UNC5C: variants seen among roughly 807,000 people sequenced by gnomAD.
UNC5C encodes unc-5 netrin receptor C.
Under a neutral mutation model 99.8 loss-of-function variants are expected in UNC5C, and 47 were observed. The ratio of observed to expected loss-of-function variants is 0.47; its 90% CI spans 0.37 to 0.60. The LOEUF (loss-of-function observed/expected upper bound fraction) is 0.60. Among genes scored for constraint, UNC5C ranks in the 20% least tolerant of loss-of-function variants. The pLI, the probability that UNC5C is intolerant of heterozygous loss-of-function variation, is 0.00. For missense variants in UNC5C, 1,062 were observed against 1,165.9 expected, an observed-to-expected ratio of 0.91 and a Z score of 1.30; for synonymous variants, 487 against 452.2, an observed-to-expected ratio of 1.08 and a Z score of -0.98.
At chr4:95,395,015 G>A (rs1745471393) in intron 1 of UNC5C, among the ~76,000 whole-genome samples, 1 of 152,134 alleles carries the variant, frequency 6.6e-6, no homozygotes, top group Non-Finnish European at 1.5e-5. Flanking sequence ...CAAAGATTCA[G>A]AGTGAGCTGC....
At chr4:95,189,392 C>A (rs1014031985) in intron 12 of UNC5C, among the ~76,000 whole-genome samples, 5 of 152,168 alleles carry the variant, frequency 3.3e-5, no homozygotes, top group African/African-American at 7.2e-5. Flanking sequence ...CTCAGGCAGT[C>A]CTCCCACCTC....
At chr4:95,387,438 C>T (rs1240524690) in intron 1 of UNC5C, among the ~76,000 whole-genome samples, 1 of 152,176 alleles carries the variant, frequency 6.6e-6, no homozygotes, top group Non-Finnish European at 1.5e-5. Context: ...CCTCAGCTGA[C>T]TCCTTTTTGT....
intron 1 of UNC5C, among the ~76,000 whole-genome samples, chr4:95,399,787 T>C (rs1401347978): frequency 6.6e-6 from 1 of 152,232 alleles, no homozygotes; most frequent in African/African-American, 2.4e-5. Context: ...GAGTGGATTT[T>C]CCTCATTAGT....
At chr4:95,248,759 A>G (rs1739590561) in intron 5 of UNC5C, 1 of 332,336 alleles carries the variant, frequency 3.0e-6, no homozygotes. Context: ...CCATAAGGTT[A>G]TAACAAAGCT....
At chr4:95,371,422 G>T (rs1315332540) in intron 1 of UNC5C, among the ~76,000 whole-genome samples, 3 of 33,652 alleles carry the variant, frequency 8.9e-5, no homozygotes, top group East Asian at 3.1e-3. Flanking sequence ...AGTATATTTT[G>T]TGGGGGGGGG....
chr4:95,404,449 C>T (rs899815074), intron 1 of UNC5C, among the ~76,000 whole-genome samples: 1 of 152,068 alleles, frequency 6.6e-6, no homozygotes, highest in African/African-American at 2.4e-5. Context: ...ATGAAGAGAA[C>T]CAAAGTGGAG....
At chr4:95,256,295 C>G (rs1187837201) in intron 4 of UNC5C, among the ~76,000 whole-genome samples, 1 of 152,132 alleles carries the variant, frequency 6.6e-6, no homozygotes, top group African/African-American at 2.4e-5. Context: ...TCATGCAACT[C>G]CACTTGGTTG....
chr4:95,430,250 A>G (rs1283375296), intron 1 of UNC5C, among the ~76,000 whole-genome samples: 1 of 152,042 alleles, frequency 6.6e-6, no homozygotes, highest in Non-Finnish European at 1.5e-5. Context: ...GAGGCTATGC[A>G]TATGTGGGAG....
intron 1 of UNC5C, among the ~76,000 whole-genome samples, chr4:95,546,237 G>T (rs1276139745): frequency 6.6e-6 from 1 of 152,262 alleles, no homozygotes; most frequent in Non-Finnish European, 1.5e-5. Context: ...ATACCTTGAG[G>T]GTATGGGCTA....
chr4:95,463,789 C>T (rs1360103728), intron 1 of UNC5C, among the ~76,000 whole-genome samples: 2 of 152,180 alleles, frequency 1.3e-5, no homozygotes, highest in Non-Finnish European at 2.9e-5. Flanking sequence ...TTTCAACCTA[C>T]TGTATTGGGT....
At chr4:95,174,547 GC>G (rs1736256999) in intron 14 of UNC5C, among the ~76,000 whole-genome samples, 1 of 152,116 alleles carries the variant, frequency 6.6e-6, no homozygotes, top group Admixed American at 6.5e-5. Flanking sequence ...ATGTAGTTGA[GC>G]GGTTTTGAGT....
chr4:95,363,630 G>T (rs1330549177), intron 1 of UNC5C, among the ~76,000 whole-genome samples: 1 of 152,148 alleles, frequency 6.6e-6, no homozygotes, highest in Admixed American at 6.6e-5. Context: ...AATGTTCTTT[G>T]ATATAATGCC....
chr4:95,224,167 C>T (rs1012138802), intron 7 of UNC5C, among the ~76,000 whole-genome samples: 3 of 152,152 alleles, frequency 2.0e-5, no homozygotes, highest in African/African-American at 4.8e-5. Context: ...CCTGTGATCC[C>T]GGCTACTCAG....
At chr4:95,326,251 GCTAACT>G in intron 2 of UNC5C, among the ~76,000 whole-genome samples, 1 of 147,280 alleles carries the variant, frequency 6.8e-6, no homozygotes, top group East Asian at 1.9e-4. Flanking sequence ...GATATTTTCT[GCTAACT>G]TGAGAATAAT....
intron 4 of UNC5C, among the ~76,000 whole-genome samples, chr4:95,263,505 T>C (rs1286883218): frequency 6.6e-6 from 1 of 151,562 alleles, no homozygotes; most frequent in African/African-American, 2.4e-5. Context: ...GGAGTGGGAG[T>C]TGGAGGTCAG....
intron 1 of UNC5C, among the ~76,000 whole-genome samples, chr4:95,547,624 C>A (rs1723106048): frequency 6.6e-6 from 1 of 152,232 alleles, no homozygotes; most frequent in Admixed American, 6.5e-5. Context: ...CTCGCCTGAG[C>A]CGGCTATCAC....
At chr4:95,445,398 G>T (rs539904984) in intron 1 of UNC5C, among the ~76,000 whole-genome samples, 9 of 151,828 alleles carry the variant, frequency 5.9e-5, no homozygotes, top group African/African-American at 2.2e-4. Context: ...ATGCAGTTTA[G>T]GTTTCTGTTC....
chr4:95,441,505 T>A (rs1285546297), intron 1 of UNC5C, among the ~76,000 whole-genome samples: 1 of 152,158 alleles, frequency 6.6e-6, no homozygotes, highest in Non-Finnish European at 1.5e-5. Flanking sequence ...ATAAAGAAAT[T>A]GCTAAATTAC....
chr4:95,179,545 G>A (rs545916788), intron 14 of UNC5C, among the ~76,000 whole-genome samples: 9 of 152,062 alleles, frequency 5.9e-5, no homozygotes, highest in South Asian at 2.1e-4. Flanking sequence ...TCAGGAGTTC[G>A]AGACCAGCCT....
Sources: gnomAD v4.1 joint callset for allele counts (sites outside exome capture counted in the v4.1 genomes callset) on GRCh38, gnomAD v4.1.1 for gene constraint, MANE v1.5 for transcripts, NCBI Gene and HGNC (gene_info 2026-07-23, HGNC 2026-07-21) for gene names.